The following TMPRSS13 variants were observed in gnomAD, a reference collection of about 807,000 sequenced individuals.
TMPRSS13 encodes the protein transmembrane serine protease 13, also known as transmembrane protease serine 13.
In TMPRSS13, 50 loss-of-function variants were observed where a neutral mutation model predicts 68.4. The ratio of observed to expected loss-of-function variants is 0.73; its 90% CI spans 0.58 to 0.93. The LOEUF (loss-of-function observed/expected upper bound fraction) is 0.93. Ranked by LOEUF, TMPRSS13 falls within the 40% of genes least tolerant of loss-of-function variation. TMPRSS13 has a pLI of 0.00. For missense variants in TMPRSS13, 615 were observed against 729.2 expected (o/e 0.84, Z 1.80); for synonymous variants, 267 against 285.8 (o/e 0.93, Z 0.66).
rs925866604 is a variant in TMPRSS13, at chr11:117,923,920, G to T, written c.22-5082C>A. On this transcript the variant is annotated intron_variant, in intron 1 of 12. Transcript: ENST00000524993. ...AGTAGCTGCTTCATGGCCTGAGGGC[G>T]GGTGCATCAGGGCCCGTTTCAGTCC... 1.1e-4 allele frequency among the ~76,000 whole-genome samples: 16 copies of T among 151,280 alleles called. No homozygotes were observed. In the East Asian group the frequency reaches 1.6e-3, roughly 15 times the overall value.
rs1591628353 is a variant in TMPRSS13 at position 117,918,975 on chromosome 11, T to A, written c.22-137A>T. ...GCAAAGCCCCCCGGACAAGGAAGCATCTGAGAGGAGGACTGTGTCCAAGGA... is the reference window on the plus strand; with the variant it reads ...GCAAAGCCCCCCGGACAAGGAAGCAACTGAGAGGAGGACTGTGTCCAAGGA... On this transcript the variant is annotated intron_variant, in intron 1 of 12. Transcript: ENST00000524993. The A allele has an allele frequency of 4.8e-6, 6 of 1,245,356 alleles. No homozygotes were observed. In the East Asian group the frequency reaches 1.5e-4, roughly 31 times the overall value. 77.1% of individuals were successfully genotyped at this position (1,245,356 alleles called of 1,614,324 possible).
chr11:117,909,994 T>C, intron 7 of TMPRSS13, 26 bp from the exon 8 acceptor site: 1 of 1,604,828 alleles, frequency 6.2e-7, no homozygotes, highest in South Asian at 1.1e-5. Flanking sequence ...AGACGTACTG[T>C]GAACCCTGTT....
chr11:117,918,304 G>T, intron 2 of TMPRSS13, 105 bp downstream of exon 2: 1 of 811,668 alleles, frequency 1.2e-6, no homozygotes, highest in Admixed American at 2.7e-5. Flanking sequence ...CCCCTTCCCC[G>T]CATCGTTGTC....
chr11:117,906,806 T>C (rs2057468881), intron 9 of TMPRSS13, among the ~76,000 whole-genome samples: 2 of 152,298 alleles, frequency 1.3e-5, no homozygotes, highest in South Asian at 4.1e-4. Context: ...ATTTCACTGT[T>C]TTTTATGGGG....
chr11:117,926,876 ATCTATC>A (rs1356957402), intron 1 of TMPRSS13, among the ~76,000 whole-genome samples: 7 of 152,172 alleles, frequency 4.6e-5, no homozygotes, highest in African/African-American at 1.7e-4. Flanking sequence ...ATCTCTATCT[ATCTATC>A]TCTATCTCTC....
intron 9 of TMPRSS13, among the ~76,000 whole-genome samples, chr11:117,906,212 T>C (rs1262691884): frequency 5.9e-5 from 9 of 152,262 alleles, no homozygotes; most frequent in Non-Finnish European, 8.8e-5. Context: ...GTCCAGAGCC[T>C]GTGGCTCTCC....
At position 117,929,347 on chromosome 11, in the gene TMPRSS13, C is replaced by T. The variant is rs370220796; in HGVS notation, c.-40G>A. ...AGAGTCCTCCAGGCTTAGCTGATGTCGAGGAGAAGATCCATCTTGGTCCCT... is the reference window on the plus strand; with the variant it reads ...AGAGTCCTCCAGGCTTAGCTGATGTTGAGGAGAAGATCCATCTTGGTCCCT... On this transcript the variant is annotated 5_prime_UTR_variant, in exon 1 of 13. Coordinates refer to ENST00000524993, the MANE Select transcript of TMPRSS13 (RefSeq NM_001077263.3). 17 of 1,596,762 alleles carry T rather than the reference C, an allele frequency of 1.1e-5. No homozygotes were observed. The highest frequency in any genetic ancestry group is 4.0e-5 in the African/African-American group (3 of 74,280).
At chr11:117,908,245 G>A (rs1353749675) in intron 9 of TMPRSS13, 3 of 526,712 alleles carry the variant, frequency 5.7e-6, no homozygotes, top group African/African-American at 5.6e-5. Context: ...CCACAGGGTT[G>A]GTTGTGAAGA....
chr11:117,917,103 C>T, intron 3 of TMPRSS13, 67 bp downstream of exon 3: 1 of 1,344,304 alleles, frequency 7.4e-7, no homozygotes, highest in Non-Finnish European at 1.0e-6. Context: ...CTGCCTGCCC[C>T]CATCCCTGGG....
Position 117,905,755 on chromosome 11 carries a change from A to G in TMPRSS13, c.1283-19T>C. On this transcript the variant is annotated intron_variant, in intron 9 of 12. Transcript: ENST00000524993. Reference sequence around the variant, plus strand: ...ATGTGAGCTGCAACAAGACCTCCAGACGTCAGTGAAGGAACAAGGCTGAGA... The same window carrying G: ...ATGTGAGCTGCAACAAGACCTCCAGGCGTCAGTGAAGGAACAAGGCTGAGA... The G allele has an allele frequency of 6.4e-7, 1 of 1,574,192 alleles. No individual in the cohort carries two copies. The highest frequency in any genetic ancestry group is 8.7e-7 in the Non-Finnish European group (1 of 1,154,236).
At chr11:117,917,546 T>C (rs2057591282) in intron 2 of TMPRSS13, among the ~76,000 whole-genome samples, 1 of 152,230 alleles carries the variant, frequency 6.6e-6, no homozygotes, top group South Asian at 2.1e-4. Context: ...ACTTTGCCTG[T>C]GTTAATTCTC....
At chr11:117,926,437 C>T (rs1386788569) in intron 1 of TMPRSS13, among the ~76,000 whole-genome samples, 2 of 152,154 alleles carry the variant, frequency 1.3e-5, no homozygotes, top group African/African-American at 2.4e-5. Flanking sequence ...CCTGGACCAG[C>T]GGTGGGCCCC....
chr11:117,912,519 G>A (rs902484869), intron 5 of TMPRSS13, among the ~76,000 whole-genome samples: 3 of 152,188 alleles, frequency 2.0e-5, no homozygotes, highest in African/African-American at 2.4e-5. Flanking sequence ...CAAGCACGGC[G>A]GGTGATTCTA....
Position 117,913,648 on chromosome 11 carries a change from A to G in TMPRSS13, c.809+129T>C, listed in dbSNP as rs1565349087. Reference sequence around the variant, plus strand: ...CTCTGAACACCTCGAGGGTGTCCAGAGCTAGTGAGATCAGCCCCGGTCCCC... The same window carrying G: ...CTCTGAACACCTCGAGGGTGTCCAGGGCTAGTGAGATCAGCCCCGGTCCCC... On this transcript the variant is annotated intron_variant, in intron 5 of 12. Transcript: ENST00000524993. 4 of 1,198,766 alleles carry G rather than the reference A, an allele frequency of 3.3e-6. No individual in the cohort carries two copies. In the East Asian group the frequency reaches 9.6e-5, roughly 29 times the overall value. 74.3% of individuals were successfully genotyped at this position (1,198,766 alleles called of 1,614,324 possible). A position where few individuals can be genotyped will look rare whatever the true frequency, so the allele number is the denominator to read the frequency against.
At position 117,908,666 on chromosome 11, in the gene TMPRSS13, C is replaced by T; in HGVS notation, c.1228G>A (p.Glu410Lys). ...IIINSNYTDE[E>K]DDYDIALMRL... ...ATGAGGGCGATGTCATAGTCGTCCT[C>T]CTCATCGGTGTAATTGCTGTTGATG... The change falls in exon 9 of 13, where the codon GAG becomes AAG. Residue 410 changes from glutamate to lysine, a missense_variant. Physicochemically the swap from Glu to Lys is moderately conservative, Grantham distance 56 (BLOSUM62 1). Coordinates refer to ENST00000524993, the MANE Select transcript of TMPRSS13 (RefSeq NM_001077263.3). 4 of 1,589,132 alleles carry T rather than the reference C, an allele frequency of 2.5e-6. No individual in the cohort carries two copies. The highest frequency in any genetic ancestry group is 3.4e-6 in the Non-Finnish European group (4 of 1,168,850).
chr11:117,913,979 G>A (rs1359243625), intron 4 of TMPRSS13, 73 bp from the exon 5 acceptor site: 1 of 1,554,332 alleles, frequency 6.4e-7, no homozygotes, highest in Non-Finnish European at 8.7e-7. Context: ...GATGAGCTGA[G>A]TGAGGCTTTG....
intron 9 of TMPRSS13, chr11:117,908,269 TATGTGTGAA>T (rs2134883261): frequency 1.9e-6 from 1 of 535,514 alleles, no homozygotes; most frequent in African/African-American, 1.9e-5. Context: ...AATGAAATCA[TATGTGTGAA>T]ATGCCTACCA....
intron 10 of TMPRSS13, among the ~76,000 whole-genome samples, chr11:117,905,261 G>C (rs1204742683): frequency 6.6e-6 from 1 of 151,664 alleles, no homozygotes; most frequent in Non-Finnish European, 1.5e-5. Flanking sequence ...TTAGAGAAAA[G>C]TCCTGCGTCT....
chr11:117,903,041 A>G, intron 12 of TMPRSS13: 1 of 1,051,456 alleles, frequency 9.5e-7, no homozygotes, highest in Non-Finnish European at 1.1e-6. Flanking sequence ...AAAACATAAA[A>G]TAACTTTTTA....
Sources: gnomAD v4.1 joint callset for allele counts (sites outside exome capture counted in the v4.1 genomes callset) on GRCh38, gnomAD v4.1.1 for gene constraint, MANE v1.5 for transcripts, NCBI Gene and HGNC (gene_info 2026-07-23, HGNC 2026-07-21) for gene names.